Variants in ADARB2 observed in about 807,000 individuals in gnomAD.
ADARB2 encodes inactive double-stranded RNA-specific editase B2.
Under a neutral mutation model 62.2 loss-of-function variants are expected in ADARB2, and 25 were observed. The observed-to-expected ratio is 0.40, with a 90% CI of 0.29 to 0.56. The LOEUF (loss-of-function observed/expected upper bound fraction) is 0.56. Ranked by LOEUF, ADARB2 falls within the 20% of genes least tolerant of loss-of-function variation. ADARB2 has a pLI of 0.43. For missense variants in ADARB2, 1,071 were observed against 1,077.4 expected (o/e 0.99, Z 0.08); for synonymous variants, 572 against 500.8 (o/e 1.14, Z -1.90).
At chr10:1,676,470 T>G (rs6560758) in intron 1 of ADARB2, among the ~76,000 whole-genome samples, 1 of 152,206 alleles carries the variant, frequency 6.6e-6, no homozygotes, top group Admixed American at 6.5e-5. Context: ...ATAGCTTTAA[T>G]GGTGCACCTG....
At chr10:1,441,144 G>A (rs985968911) in intron 1 of ADARB2, among the ~76,000 whole-genome samples, 1 of 152,120 alleles carries the variant, frequency 6.6e-6, no homozygotes, top group Non-Finnish European at 1.5e-5. Context: ...ACTTGCTGTT[G>A]GGTAGTTAAT....
At chr10:1,423,981 C>T (rs1832873138) in intron 1 of ADARB2, among the ~76,000 whole-genome samples, 1 of 152,116 alleles carries the variant, frequency 6.6e-6, no homozygotes, top group South Asian at 2.1e-4. Context: ...ACTATGTATG[C>T]AGTATGACCA....
intron 1 of ADARB2, among the ~76,000 whole-genome samples, chr10:1,510,440 C>T (rs1336887971): frequency 1.3e-5 from 2 of 152,068 alleles, no homozygotes; most frequent in East Asian, 1.9e-4. Flanking sequence ...CCTCAGCATC[C>T]CAAAGTGTTG....
At chr10:1,680,193 TCCGC>T (rs1240609456) in intron 1 of ADARB2, among the ~76,000 whole-genome samples, 12 of 130,240 alleles carry the variant, frequency 9.2e-5, no homozygotes, top group African/African-American at 3.6e-4. Context: ...TCCTGTGTAA[TCCGC>T]CACTCATACA....
At chr10:1,450,754 G>C (rs7074956) in intron 1 of ADARB2, among the ~76,000 whole-genome samples, 1 of 152,160 alleles carries the variant, frequency 6.6e-6, no homozygotes, top group African/African-American at 2.4e-5. Context: ...GCTTGCATGG[G>C]GCCCCTGGGG....
chr10:1,569,050 G>A (rs1310610921), intron 1 of ADARB2, among the ~76,000 whole-genome samples: 8 of 151,980 alleles, frequency 5.3e-5, no homozygotes, highest in Admixed American at 5.3e-4. Flanking sequence ...GAGATAGAGA[G>A]ACAGAGAGAA....
intron 4 of ADARB2, among the ~76,000 whole-genome samples, chr10:1,247,644 T>C (rs1422030179): frequency 2.0e-5 from 3 of 152,162 alleles, no homozygotes; most frequent in African/African-American, 7.2e-5. Context: ...CAGAGCTCAG[T>C]AGCAGTTGAA....
rs1248552161 is a variant in ADARB2, at chr10:1,672,545, C to T, written c.100+64506G>A. Among the ~76,000 whole-genome samples, 9 of 152,160 alleles carry T rather than the reference C, an allele frequency of 5.9e-5. 1 individual carries two copies. The highest frequency in any genetic ancestry group is 2.2e-4 in the African/African-American group (9 of 41,438). On this transcript the variant is annotated intron_variant, in intron 1 of 9. Transcript: ENST00000381312. ...AGCCCGCCTTTTCCTCTCTGCAGGC[C>T]TCGCGCAGCTCCTGCCTCCCCCCAT...
intron 1 of ADARB2, among the ~76,000 whole-genome samples, chr10:1,423,049 G>C (rs75439631): frequency 6.6e-6 from 1 of 152,164 alleles, no homozygotes; most frequent in African/African-American, 2.4e-5. Flanking sequence ...TATTTGCCTT[G>C]TGCATTTCTC....
chr10:1,505,551 A>G (rs1046182138), intron 1 of ADARB2, among the ~76,000 whole-genome samples: 2 of 152,028 alleles, frequency 1.3e-5, no homozygotes, highest in African/African-American at 4.8e-5. Context: ...CTGAATTGAA[A>G]CCAGTGTGTC....
intron 3 of ADARB2, among the ~76,000 whole-genome samples, chr10:1,304,619 C>A (rs974161897): frequency 1.1e-4 from 16 of 150,972 alleles, no homozygotes; most frequent in African/African-American, 3.9e-4. Context: ...TGACCACATA[C>A]TTGGAAGTAA....
intron 1 of ADARB2, among the ~76,000 whole-genome samples, chr10:1,584,137 T>C (rs758030628): frequency 2.0e-5 from 3 of 152,092 alleles, no homozygotes; most frequent in South Asian, 4.1e-4. Context: ...AATCAATAAA[T>C]GGGACTTAAT....
intron 1 of ADARB2, among the ~76,000 whole-genome samples, chr10:1,649,387 CT>C (rs1402101217): frequency 6.6e-6 from 1 of 152,186 alleles, no homozygotes. Flanking sequence ...AGGGGATACA[CT>C]TTTCTATCAT....
chr10:1,216,721 C>T (rs998838369), intron 7 of ADARB2: 2 of 596,790 alleles, frequency 3.4e-6, no homozygotes, highest in Non-Finnish European at 5.7e-6. Flanking sequence ...TCTGCAGCGG[C>T]AGCCTCGGGT....
intron 1 of ADARB2, among the ~76,000 whole-genome samples, chr10:1,657,173 T>C (rs1301560102): frequency 2.0e-5 from 3 of 152,154 alleles, no homozygotes; most frequent in East Asian, 1.9e-4. Context: ...ATTCAGAGTC[T>C]CCAGGTGGCC....
chr10:1,576,941 G>T (rs929087637), intron 1 of ADARB2, among the ~76,000 whole-genome samples: 2 of 152,162 alleles, frequency 1.3e-5, no homozygotes, highest in African/African-American at 4.8e-5. Context: ...TCTCCAAGGG[G>T]CTGGGGCTGG....
At chr10:1,365,507 T>C (rs967201800) in intron 2 of ADARB2, among the ~76,000 whole-genome samples, 1 of 152,200 alleles carries the variant, frequency 6.6e-6, no homozygotes, top group African/African-American at 2.4e-5. Flanking sequence ...GAAGGCATGA[T>C]GATGGCCAAG....
At chr10:1,648,225 C>G (rs940726384) in intron 1 of ADARB2, among the ~76,000 whole-genome samples, 1 of 152,172 alleles carries the variant, frequency 6.6e-6, no homozygotes, top group Admixed American at 6.5e-5. Flanking sequence ...GCTGCACTTT[C>G]CCCTTTGCTT....
At chr10:1,308,298 C>T (rs887546834) in intron 3 of ADARB2, among the ~76,000 whole-genome samples, 5 of 152,170 alleles carry the variant, frequency 3.3e-5, no homozygotes, top group African/African-American at 7.2e-5. Context: ...ACTTATTTCA[C>T]TCAGCAATAT....
Sources: allele counts gnomAD v4.1 joint callset (sites outside exome capture counted in the v4.1 genomes callset), GRCh38; gene constraint gnomAD v4.1.1; transcripts MANE v1.5; gene names NCBI Gene and HGNC (gene_info 2026-07-23, HGNC 2026-07-21).